SEMA6A: variants seen among roughly 807,000 people sequenced by gnomAD.
SEMA6A encodes semaphorin-6A.
In SEMA6A, 25 loss-of-function variants were observed where a neutral mutation model predicts 96.8. The observed-to-expected ratio is 0.26, with a 90% CI of 0.19 to 0.36. SEMA6A has a LOEUF of 0.36. SEMA6A is among the 10% of genes least tolerant of loss of function. The pLI, the probability that SEMA6A is intolerant of heterozygous loss-of-function variation, is 1.00. For missense variants in SEMA6A, 1,363 were observed against 1,323.1 expected (o/e 1.03, Z -0.47); for synonymous variants, 612 against 518.0 (o/e 1.18, Z -2.46).
intron 1 of SEMA6A, among the ~76,000 whole-genome samples, chr5:116,563,286 G>T (rs932346028): frequency 2.0e-5 from 3 of 152,128 alleles, no homozygotes; most frequent in Non-Finnish European, 4.4e-5. Flanking sequence ...AATTTTGATA[G>T]GTAAATTCCT....
In SEMA6A at chr5:116,477,856, G is replaced by A. The variant is rs777889361; in HGVS notation, c.1639C>T (p.Pro547Ser). The change falls in exon 15 of 19, where the codon CCC becomes TCC. Residue 547 changes from proline to serine, a missense_variant. Transcript: ENST00000343348. ...KEGGACSHLS[P>S]NSRLTFEQDI... ...CCTCAGGCTGCCTACCTGCTGTTGG[G>A]TGATAAATGGCTGCAGGCACCACCT... 6.2e-7 allele frequency: 1 copy of A among 1,613,848 alleles called. No individual in the cohort carries two copies. The highest frequency in any genetic ancestry group is 1.1e-5 in the South Asian group (1 of 91,080).
At chr5:116,500,529 T>C (rs896441615) in intron 3 of SEMA6A, among the ~76,000 whole-genome samples, 20 of 152,344 alleles carry the variant, frequency 1.3e-4, no homozygotes, top group Non-Finnish European at 1.0e-4. Flanking sequence ...AGTAAAACTT[T>C]AGGAAAGTAT....
intron 3 of SEMA6A, among the ~76,000 whole-genome samples, chr5:116,501,379 TC>T (rs1236731281): frequency 2.0e-5 from 3 of 152,120 alleles, no homozygotes; most frequent in Non-Finnish European, 4.4e-5. Context: ...AAATAACATT[TC>T]CCCAATGGAT....
chr5:116,541,588 T>G (rs944320240), intron 1 of SEMA6A, among the ~76,000 whole-genome samples: 1 of 152,204 alleles, frequency 6.6e-6, no homozygotes, highest in African/African-American at 2.4e-5. Flanking sequence ...ATCCCAGCAC[T>G]TTGGGAAGCT....
chr5:116,489,104 G>A, intron 7 of SEMA6A, 97 bp from the exon 8 acceptor site: 1 of 1,320,994 alleles, frequency 7.6e-7, no homozygotes, highest in Non-Finnish European at 1.0e-6. Context: ...CCAACATCAG[G>A]CAAATGAGAT....
Position 116,467,619 on chromosome 5 carries a change from C to T in SEMA6A, c.1858G>A (p.Gly620Arg). The change falls in exon 18 of 19, where the codon GGG becomes AGG. Residue 620 changes from glycine to arginine, a missense_variant. Physicochemically the swap from Gly to Arg is moderately radical, Grantham distance 125 (BLOSUM62 -2). Transcript: ENST00000343348. ...TGGTGATTATGGGAAGACACTGCCC[C>T]CAAAGGGTCTGTGCTGTCAGGTGAG... ...LDSPDSTDPL[G>R]AVSSHNHQDK... 1 of 1,613,428 alleles carries T rather than the reference C, an allele frequency of 6.2e-7. No homozygotes were observed. Among genetic ancestry groups the T allele is most frequent in the Non-Finnish European group, 8.5e-7 (1 of 1,179,722 alleles).
intron 1 of SEMA6A, among the ~76,000 whole-genome samples, chr5:116,516,707 T>C (rs933856064): frequency 1.3e-5 from 2 of 152,180 alleles, no homozygotes; most frequent in Non-Finnish European, 2.9e-5. Context: ...CATAAAATGT[T>C]CATTTGCTTT....
chr5:116,570,895 T>C (rs1761183518), intron 1 of SEMA6A, among the ~76,000 whole-genome samples: 2 of 152,242 alleles, frequency 1.3e-5, no homozygotes, highest in African/African-American at 4.8e-5. Context: ...TTGGTGAAGA[T>C]AACAGTCTTC....
At chr5:116,478,289 C>A in intron 13 of SEMA6A, 135 bp from the exon 14 acceptor site, 4 of 1,022,052 alleles carry the variant, frequency 3.9e-6, no homozygotes, top group Non-Finnish European at 5.7e-6. Context: ...CCCTTCTGCT[C>A]TTGCACACAC....
intron 2 of SEMA6A, 24 bp downstream of exon 2, chr5:116,504,821 C>CT (rs1758065472): frequency 1.3e-6 from 2 of 1,541,494 alleles, no homozygotes; most frequent in Middle Eastern, 3.4e-4. Flanking sequence ...AAGGGAGACA[C>CT]TGAGTGAGAC....
At position 116,497,801 on chromosome 5, in the gene SEMA6A, G is replaced by C. The variant is rs139708282; in HGVS notation, c.219-414C>G. ...TCAACATGCCACATCTGTTCATCAA[G>C]AGGGCTAACAAAAAAAATGATCTCC... On this transcript the variant is annotated intron_variant, in intron 3 of 18. Transcript: ENST00000343348. Among the ~76,000 whole-genome samples the C allele has an allele frequency of 5.9e-5, 9 of 152,234 alleles. No individual in the cohort carries two copies. In the East Asian group the frequency reaches 1.7e-3, roughly 29 times the overall value.
intron 1 of SEMA6A, among the ~76,000 whole-genome samples, chr5:116,514,116 T>G (rs185019626): frequency 5.6e-4 from 86 of 152,326 alleles, no homozygotes; most frequent in African/African-American, 2.0e-3. Context: ...TGTCTTTATA[T>G]CAGAACAATT....
At chr5:116,492,903 TC>T (rs1757398695) in intron 6 of SEMA6A, among the ~76,000 whole-genome samples, 2 of 152,316 alleles carry the variant, frequency 1.3e-5, no homozygotes, top group South Asian at 2.1e-4. Flanking sequence ...GCTGTCGTTT[TC>T]CCTGCAGCCA....
intron 1 of SEMA6A, among the ~76,000 whole-genome samples, chr5:116,505,457 GCGCACACACACACACACACACACA>G (rs1758103395): frequency 1.4e-5 from 2 of 143,726 alleles, no homozygotes; most frequent in African/African-American, 5.4e-5. Context: ...ACACACGCAC[GCGCACACACACACACACACACACA>G]CACATCTATA....
chr5:116,572,622 C>T (rs1407560354), intron 1 of SEMA6A, among the ~76,000 whole-genome samples: 2 of 152,214 alleles, frequency 1.3e-5, no homozygotes, highest in South Asian at 2.1e-4. Flanking sequence ...GGCCTGTGTC[C>T]ACACGCACCT....
intron 18 of SEMA6A, among the ~76,000 whole-genome samples, chr5:116,455,670 A>G (rs1754966865): frequency 6.6e-6 from 1 of 152,228 alleles, no homozygotes; most frequent in South Asian, 2.1e-4. Context: ...AGCAAAGATA[A>G]AACAGATATG....
At chr5:116,544,301 G>A (rs1380695798) in intron 1 of SEMA6A, among the ~76,000 whole-genome samples, 4 of 151,600 alleles carry the variant, frequency 2.6e-5, no homozygotes, top group Non-Finnish European at 5.9e-5. Flanking sequence ...TTGTTTGTTT[G>A]TTTTGGAGAC....
At chr5:116,508,675 T>C (rs996270022) in intron 1 of SEMA6A, among the ~76,000 whole-genome samples, 2 of 152,190 alleles carry the variant, frequency 1.3e-5, no homozygotes, top group Admixed American at 6.5e-5. Flanking sequence ...CTCCAGATTT[T>C]TGACTTCTTA....
intron 17 of SEMA6A, chr5:116,469,307 T>C (rs1407404304): frequency 6.6e-6 from 1 of 152,224 alleles, no homozygotes; most frequent in Non-Finnish European, 1.5e-5. Context: ...TTCTAGACTT[T>C]TTGTTTTTAC....
Sources: allele counts gnomAD v4.1 joint callset (sites outside exome capture counted in the v4.1 genomes callset), GRCh38; gene constraint gnomAD v4.1.1; transcripts MANE v1.5; gene names NCBI Gene and HGNC (gene_info 2026-07-23, HGNC 2026-07-21).